Variants in SELENOF observed in about 807,000 individuals in gnomAD.
SELENOF encodes 15 kDa selenoprotein.
A neutral mutation model predicts 20.5 loss-of-function variants in SELENOF; 16 were observed. The ratio of observed to expected loss-of-function variants is 0.78; its 90% CI spans 0.53 to 1.19. The LOEUF (loss-of-function observed/expected upper bound fraction) is 1.19. Ranked by LOEUF, SELENOF falls within the 50% of genes most tolerant of loss-of-function variation. SELENOF has a pLI of 0.00. For missense variants in SELENOF, 215 were observed against 194.2 expected, an observed-to-expected ratio of 1.11 and a Z score of -0.64; for synonymous variants, 78 against 74.5, an observed-to-expected ratio of 1.05 and a Z score of -0.24.
At chr1:86,863,676 G>C (rs1658517739) in intron 4 of SELENOF, 71 bp from the exon 5 acceptor site, 1 of 1,379,014 alleles carries the variant, frequency 7.3e-7, no homozygotes, top group Non-Finnish European at 9.8e-7. Context: ...CTAAGACAAA[G>C]CAATTCAATC....
intron 2 of SELENOF, among the ~76,000 whole-genome samples, chr1:86,899,446 C>T (rs1360201077): frequency 1.1e-5 from 1 of 88,340 alleles, no homozygotes; most frequent in East Asian, 2.4e-4. Context: ...CCGGACGGGG[C>T]GGCTGGCCGG....
At chr1:86,913,271 T>C (rs1460886937) in intron 1 of SELENOF, among the ~76,000 whole-genome samples, 1 of 152,226 alleles carries the variant, frequency 6.6e-6, no homozygotes, top group Non-Finnish European at 1.5e-5. Flanking sequence ...CTTTCAGCAC[T>C]GTGCCTAAAA....
At chr1:86,867,987 T>G in intron 4 of SELENOF, 66 bp downstream of exon 4, 1 of 646,086 alleles carries the variant, frequency 1.5e-6, no homozygotes, top group Non-Finnish European at 2.5e-6. Context: ...ATTCAAATAT[T>G]TACTTTAATT....
intron 2 of SELENOF, among the ~76,000 whole-genome samples, chr1:86,898,791 C>A (rs144828263): frequency 0.028 from 4,243 of 150,902 alleles, 79 homozygotes; most frequent in Middle Eastern, 0.048. Flanking sequence ...TTTTAATTTT[C>A]ATTTTTATTT....
chr1:86,865,410 T>C (rs1222884656), intron 4 of SELENOF, among the ~76,000 whole-genome samples: 3 of 152,138 alleles, frequency 2.0e-5, no homozygotes, highest in Admixed American at 2.0e-4. Flanking sequence ...ATATCCAGAA[T>C]AGATGGAACC....
Position 86,873,740 on chromosome 1 carries a change from T to C in SELENOF, c.317-5638A>G, listed in dbSNP as rs538755629. On this transcript the variant is annotated intron_variant, in intron 3 of 4. Transcript: ENST00000331835. Reference sequence around the variant, plus strand: ...GGTGGTGCATGCCTGTAATCCCAGCTACTTGGGAGGCTGAGGTAGGAAAAT... The same window carrying C: ...GGTGGTGCATGCCTGTAATCCCAGCCACTTGGGAGGCTGAGGTAGGAAAAT... 2.6e-5 allele frequency among the ~76,000 whole-genome samples: 4 copies of C among 151,314 alleles called. No homozygotes were observed. The South Asian group carries it at 8.3e-4, about 31-fold the overall frequency.
intron 2 of SELENOF, among the ~76,000 whole-genome samples, chr1:86,892,864 T>C (rs956267781): frequency 3.3e-5 from 5 of 152,200 alleles, no homozygotes; most frequent in Admixed American, 1.3e-4. Context: ...CGAAATTCTA[T>C]TATTAATATT....
intron 3 of SELENOF, among the ~76,000 whole-genome samples, chr1:86,873,154 G>A (rs1209249850): frequency 6.6e-6 from 1 of 152,108 alleles, no homozygotes. Flanking sequence ...CTACTTGGGA[G>A]ACTAAGGTAG....
At chr1:86,895,706 T>C (rs1659503644) in intron 2 of SELENOF, among the ~76,000 whole-genome samples, 1 of 152,180 alleles carries the variant, frequency 6.6e-6, no homozygotes, top group Non-Finnish European at 1.5e-5. Flanking sequence ...TGTTTATTAT[T>C]TCACACAGAT....
chr1:86,883,220 C>T (rs1237871465), intron 2 of SELENOF, among the ~76,000 whole-genome samples: 1 of 151,446 alleles, frequency 6.6e-6, no homozygotes, highest in Admixed American at 6.6e-5. Context: ...AAGGCAGTCA[C>T]AAAAGGACAA....
rs34608814 is a variant in SELENOF at position 86,883,125 on chromosome 1, CAA to C, written c.253-2402_253-2401del. ...TGGGGGACAAGAGCGAGACTTGTCT[CAA>C]AAAAAAAAAAAAAAAATTCGGACAC... On this transcript the variant is annotated intron_variant, in intron 2 of 4. Transcript: ENST00000331835. 5.7e-3 allele frequency among the ~76,000 whole-genome samples: 543 copies of C among 95,966 alleles called. 5 individuals are homozygous for C. The highest frequency in any genetic ancestry group is 0.041 in the Admixed American group (341 of 8,322). The allele number at this position is 95,966 out of a possible 152,430, so 63.0% of individuals were successfully genotyped here. A position where few individuals can be genotyped will look rare whatever the true frequency, so the allele number is the denominator to read the frequency against.
intron 2 of SELENOF, among the ~76,000 whole-genome samples, chr1:86,897,357 GATATA>G (rs1290467396): frequency 3.3e-5 from 5 of 152,130 alleles, no homozygotes; most frequent in Non-Finnish European, 2.9e-5. Flanking sequence ...CAAAACAATA[GATATA>G]ATATAGTGTA....
chr1:86,911,250 G>A (rs908783630), intron 1 of SELENOF, among the ~76,000 whole-genome samples: 1 of 152,246 alleles, frequency 6.6e-6, no homozygotes, highest in Non-Finnish European at 1.5e-5. Context: ...CAGAAAGAGA[G>A]TAAGTAGAAG....
At chr1:86,892,350 T>C (rs1413331022) in intron 2 of SELENOF, among the ~76,000 whole-genome samples, 1 of 152,246 alleles carries the variant, frequency 6.6e-6, no homozygotes, top group Non-Finnish European at 1.5e-5. Context: ...TTGTGAATAA[T>C]GCTTTTATAT....
In SELENOF at chr1:86,888,997, T is replaced by C. The variant is rs1461144990; in HGVS notation, c.253-8272A>G. Among the ~76,000 whole-genome samples, 3 of 152,196 alleles carry C rather than the reference T, an allele frequency of 2.0e-5. No homozygotes were observed. In the South Asian group the frequency reaches 6.2e-4, roughly 31 times the overall value. ...TGAAAACAATAAGAAACAAAGCTAC[T>C]AAAACAAATTAAATTGTGGTATCTC... On this transcript the variant is annotated intron_variant, in intron 2 of 4. Coordinates refer to ENST00000331835, the MANE Select transcript of SELENOF (RefSeq NM_004261.5).
chr1:86,885,550 T>C (rs1294676697), intron 2 of SELENOF, among the ~76,000 whole-genome samples: 2 of 152,166 alleles, frequency 1.3e-5, no homozygotes, highest in East Asian at 3.8e-4. Flanking sequence ...ATTACACATT[T>C]ATAAACCTGT....
At chr1:86,892,106 G>C (rs1419863135) in intron 2 of SELENOF, among the ~76,000 whole-genome samples, 1 of 151,710 alleles carries the variant, frequency 6.6e-6, no homozygotes, top group Non-Finnish European at 1.5e-5. Flanking sequence ...AATTTCTTTT[G>C]TATTTTTAGT....
chr1:86,906,011 T>C (rs1659818239), intron 1 of SELENOF, among the ~76,000 whole-genome samples: 1 of 152,252 alleles, frequency 6.6e-6, no homozygotes, highest in Non-Finnish European at 1.5e-5. Flanking sequence ...GGTAGATTAA[T>C]ATCCAGTGGC....
intron 1 of SELENOF, among the ~76,000 whole-genome samples, chr1:86,912,547 A>AT (rs1366131863): frequency 6.6e-6 from 1 of 152,174 alleles, no homozygotes; most frequent in East Asian, 1.9e-4. Flanking sequence ...TGGAAGTAAT[A>AT]TATGTGATTT....
Sources: gnomAD v4.1 joint callset for allele counts (sites outside exome capture counted in the v4.1 genomes callset) on GRCh38, gnomAD v4.1.1 for gene constraint, MANE v1.5 for transcripts, NCBI Gene and HGNC (gene_info 2026-07-23, HGNC 2026-07-21) for gene names.